The following WWOX variants were observed in gnomAD, a reference collection of about 807,000 sequenced individuals.
The protein encoded by WWOX is WW domain containing oxidoreductase.
A neutral mutation model predicts 46.2 loss-of-function variants in WWOX; 69 were observed. The observed-to-expected ratio is 1.49, with a 90% CI of 1.23 to 1.82. The LOEUF is 1.82. WWOX is among the 40% of genes most tolerant of loss of function. The pLI is 0.00. For missense variants in WWOX, 919 were observed against 542.6 expected (o/e 1.69, Z -6.89); for synonymous variants, 359 against 202.6 (o/e 1.77, Z -6.56).
In WWOX at chr16:78,750,413, A is replaced by G. The variant is rs149988815; in HGVS notation, c.1056+317661A>G. ...GATCAGGAAGTGTGAGTTGGCTTAG[A>G]AAAAGTAAAGAAAGAACAGTGCTGT... On this transcript the variant is annotated intron_variant, in intron 8 of 8. Coordinates refer to ENST00000566780, the MANE Select transcript of WWOX (RefSeq NM_016373.4). 1.9e-3 allele frequency among the ~76,000 whole-genome samples: 285 copies of G among 152,348 alleles called. 1 individual carries two copies. Among genetic ancestry groups the G allele is most frequent in the African/African-American group, 6.3e-3 (262 of 41,582 alleles).
At chr16:78,429,036 T>G (rs2083154345) in intron 7 of WWOX, among the ~76,000 whole-genome samples, 1 of 152,182 alleles carries the variant, frequency 6.6e-6, no homozygotes, top group Non-Finnish European at 1.5e-5. Context: ...GGTCCTTGGA[T>G]TGGAATTCCA....
At chr16:79,101,502 C>T (rs1240542912) in intron 8 of WWOX, 1 of 152,118 alleles carries the variant, frequency 6.6e-6, no homozygotes. Context: ...CTCCCTATTC[C>T]CATATCCCAG....
At chr16:78,425,861 G>A (rs2083063969) in intron 7 of WWOX, among the ~76,000 whole-genome samples, 1 of 152,036 alleles carries the variant, frequency 6.6e-6, no homozygotes, top group African/African-American at 2.4e-5. Flanking sequence ...AACGTGCAAG[G>A]GGCCTATTTT....
At chr16:78,690,053 G>T (rs963717181) in intron 8 of WWOX, among the ~76,000 whole-genome samples, 1 of 151,938 alleles carries the variant, frequency 6.6e-6, no homozygotes, top group Non-Finnish European at 1.5e-5. Flanking sequence ...TAGAGATGCG[G>T]TTTCACCATG....
intron 8 of WWOX, among the ~76,000 whole-genome samples, chr16:79,047,508 ACCTG>A (rs1320760027): frequency 6.8e-6 from 1 of 147,514 alleles, no homozygotes; most frequent in Non-Finnish European, 1.5e-5. Context: ...ATGCACAAAT[ACCTG>A]CATCCTGTCT....
intron 8 of WWOX, among the ~76,000 whole-genome samples, chr16:78,761,128 G>C (rs2049782248): frequency 6.6e-6 from 1 of 152,182 alleles, no homozygotes; most frequent in Non-Finnish European, 1.5e-5. Context: ...CCATATTACA[G>C]GCTAATGACT....
intron 8 of WWOX, among the ~76,000 whole-genome samples, chr16:78,818,714 A>G (rs747352742): frequency 5.9e-5 from 9 of 152,342 alleles, no homozygotes; most frequent in Admixed American, 2.0e-4. Flanking sequence ...GGCAGTTTTG[A>G]GTGCTGCCTC....
intron 8 of WWOX, among the ~76,000 whole-genome samples, chr16:78,874,495 G>A (rs2044193936): frequency 1.3e-5 from 2 of 152,000 alleles, no homozygotes; most frequent in Admixed American, 1.3e-4. Flanking sequence ...TGAGCCTGAT[G>A]TGGTGCCTGG....
chr16:78,924,253 C>G (rs2045447684), intron 8 of WWOX, among the ~76,000 whole-genome samples: 1 of 152,122 alleles, frequency 6.6e-6, no homozygotes, highest in African/African-American at 2.4e-5. Context: ...TGGAAAAGAA[C>G]TTTATAATGT....
intron 8 of WWOX, chr16:79,206,222 ACATGGCCTGG>A (rs1290661181): frequency 1.3e-5 from 2 of 152,278 alleles, no homozygotes; most frequent in Non-Finnish European, 2.9e-5. Flanking sequence ...TCATGGCCAG[ACATGGCCTGG>A]CTGAGAAGGC....
At chr16:78,730,710 T>C (rs1330593316) in intron 8 of WWOX, among the ~76,000 whole-genome samples, 2 of 150,758 alleles carry the variant, frequency 1.3e-5, no homozygotes, top group African/African-American at 4.9e-5. Context: ...TACTCCCTCC[T>C]TATCCTCCCA....
intron 8 of WWOX, among the ~76,000 whole-genome samples, chr16:78,880,298 C>G (rs962275964): frequency 3.3e-5 from 5 of 152,292 alleles, no homozygotes; most frequent in Non-Finnish European, 7.3e-5. Flanking sequence ...TTTTCCATTA[C>G]TTCACTCTAA....
intron 8 of WWOX, among the ~76,000 whole-genome samples, chr16:78,622,891 AAG>A (rs1395154130): frequency 6.6e-6 from 1 of 152,184 alleles, no homozygotes; most frequent in Non-Finnish European, 1.5e-5. Context: ...GAGCTAAAAT[AAG>A]AGAGTCTCTC....
chr16:78,643,354 C>CAAAT (rs2046765593), intron 8 of WWOX, among the ~76,000 whole-genome samples: 1 of 152,184 alleles, frequency 6.6e-6, no homozygotes, highest in South Asian at 2.1e-4. Flanking sequence ...GAAACTGAGG[C>CAAAT]TTCTGGAGGA....
intron 8 of WWOX, among the ~76,000 whole-genome samples, chr16:78,746,887 C>T (rs1051863504): frequency 9.9e-5 from 15 of 152,024 alleles, no homozygotes; most frequent in East Asian, 9.6e-4. Context: ...GTTTGTTATG[C>T]GGCAGTATTT....
At chr16:78,172,320 G>A (rs897067104) in intron 5 of WWOX, among the ~76,000 whole-genome samples, 5 of 152,100 alleles carry the variant, frequency 3.3e-5, no homozygotes, top group African/African-American at 7.2e-5. Flanking sequence ...GTAGTATATC[G>A]TGTATTTACT....
chr16:78,268,109 G>A (rs778205097), intron 5 of WWOX, among the ~76,000 whole-genome samples: 14 of 152,196 alleles, frequency 9.2e-5, no homozygotes, highest in Non-Finnish European at 1.3e-4. Context: ...GTGAGCCGCC[G>A]TGTCTGGCTT....
At chr16:78,433,983 G>T (rs933804556) in intron 8 of WWOX, among the ~76,000 whole-genome samples, 1 of 151,566 alleles carries the variant, frequency 6.6e-6, no homozygotes, top group East Asian at 1.9e-4. Context: ...TAGAGACGGG[G>T]TTTCACCGTT....
chr16:78,328,433 T>A (rs1301432997), intron 5 of WWOX, among the ~76,000 whole-genome samples: 1 of 152,214 alleles, frequency 6.6e-6, no homozygotes, highest in Non-Finnish European at 1.5e-5. Context: ...AATCATAGAT[T>A]TTTATTTCTG....
Sources: allele counts gnomAD v4.1 joint callset (sites outside exome capture counted in the v4.1 genomes callset), GRCh38; gene constraint gnomAD v4.1.1; transcripts MANE v1.5; gene names NCBI Gene and HGNC (gene_info 2026-07-23, HGNC 2026-07-21).